Variants in DMD observed in about 807,000 individuals in gnomAD.
The protein encoded by DMD is dystrophin.
Under a neutral mutation model 330.1 loss-of-function variants are expected in DMD, and 63 were observed. The observed-to-expected ratio is 0.19, with a 90% CI of 0.16 to 0.24. The LOEUF (loss-of-function observed/expected upper bound fraction) is 0.24. Ranked by LOEUF, DMD falls within the 10% of genes least tolerant of loss-of-function variation. The pLI, the probability that DMD is intolerant of heterozygous loss-of-function variation, is 1.00. For missense variants in DMD, 3,344 were observed against 2,684.1 expected, an observed-to-expected ratio of 1.25 and a Z score of -5.43; for synonymous variants, 1,223 against 959.8, an observed-to-expected ratio of 1.27 and a Z score of -5.07.
intron 52 of DMD, among the ~76,000 whole-genome samples, chrX:31,680,669 C>T (rs1031995509): frequency 3.0e-4 from 33 of 110,899 alleles, no homozygotes; most frequent in African/African-American, 9.9e-4. Context: ...TGAGCCACCG[C>T]GCCTGGCCAA....
At position 32,387,153 on chromosome X, in the gene DMD, C is replaced by A. The variant is rs181474218; in HGVS notation, c.4519-688G>T. ...ACATGTACATCACAAATATAAAGCA[C>A]ACACATACGGTTTCACAAAACATAG... On this transcript the variant is annotated intron_variant, in intron 32 of 78. Transcript: ENST00000357033. 6.9e-3 allele frequency among the ~76,000 whole-genome samples: 762 copies of A among 110,602 alleles called. 4 individuals carry two copies. The highest frequency in any genetic ancestry group is 0.023 in the African/African-American group (717 of 30,602).
intron 52 of DMD, among the ~76,000 whole-genome samples, chrX:31,684,629 G>C (rs190515099): frequency 8.9e-6 from 1 of 111,964 alleles, no homozygotes; most frequent in East Asian, 2.8e-4. Context: ...GATTCTAAAA[G>C]AGAAAACCCA....
chrX:31,410,754 T>C (rs2061601273), intron 60 of DMD, among the ~76,000 whole-genome samples: 2 of 108,568 alleles, frequency 1.8e-5, no homozygotes, highest in African/African-American at 6.7e-5. Flanking sequence ...TTTATATATT[T>C]ATGAGATGGA....
intron 7 of DMD, among the ~76,000 whole-genome samples, chrX:32,709,222 T>G (rs1415151579): frequency 1.8e-5 from 2 of 111,329 alleles, no homozygotes; most frequent in Non-Finnish European, 3.8e-5. Context: ...AAAAATGCAA[T>G]TTAGAAATTT....
intron 11 of DMD, among the ~76,000 whole-genome samples, chrX:32,643,123 C>T (rs1183802158): frequency 2.7e-5 from 3 of 111,107 alleles, no homozygotes; most frequent in Non-Finnish European, 5.7e-5. Context: ...ATCATCACCA[C>T]GATCACAGCA....
chrX:31,179,152 A>T (rs2040880878), intron 69 of DMD, among the ~76,000 whole-genome samples: 1 of 112,698 alleles, frequency 8.9e-6, no homozygotes, highest in Admixed American at 9.4e-5. Context: ...AAATTTTACC[A>T]CACTTTATGG....
At chrX:33,233,886 A>G (rs759045383) in intron 1 of DMD, among the ~76,000 whole-genome samples, 2 of 112,819 alleles carry the variant, frequency 1.8e-5, no homozygotes, top group Admixed American at 1.9e-4. Flanking sequence ...TTTGCAAGAT[A>G]TTACAATTGG....
At chrX:31,610,105 T>A in intron 55 of DMD, among the ~76,000 whole-genome samples, 1 of 110,049 alleles carries the variant, frequency 9.1e-6, no homozygotes, top group East Asian at 2.9e-4. Flanking sequence ...CTCCTTTCTA[T>A]CCTCCCTCTC....
Position 33,279,583 on chromosome X carries a change from G to A in DMD, c.7+59676C>T, listed in dbSNP as rs113816047. 9.0e-3 allele frequency among the ~76,000 whole-genome samples: 990 copies of A among 110,545 alleles called. 16 individuals are homozygous for A. The highest frequency in any genetic ancestry group is 0.031 in the African/African-American group (930 of 30,402). ...CATTTTTTTAAGAATGATTAAGAGG[G>A]CAATTGCTGTGTCATATGCTAAGTC... On this transcript the variant is annotated intron_variant, in intron 1 of 17. Transcript: ENST00000288447.
intron 7 of DMD, among the ~76,000 whole-genome samples, chrX:32,801,487 T>A (rs2076561945): frequency 8.9e-6 from 1 of 112,093 alleles, no homozygotes; most frequent in Non-Finnish European, 1.9e-5. Flanking sequence ...ATGATAGTTT[T>A]CTTTTGCTGT....
At chrX:33,259,765 A>G (rs1269986668) in intron 1 of DMD, among the ~76,000 whole-genome samples, 1 of 109,809 alleles carries the variant, frequency 9.1e-6, no homozygotes, top group African/African-American at 3.3e-5. Flanking sequence ...TACTGTGATC[A>G]TAGTTTTGCC....
At chrX:31,901,568 C>T (rs780490627) in intron 47 of DMD, among the ~76,000 whole-genome samples, 6 of 111,520 alleles carry the variant, frequency 5.4e-5, no homozygotes, top group East Asian at 2.8e-4. Flanking sequence ...AGCTATACTA[C>T]GAGGCAAAGG....
In DMD at chrX:33,094,506, A is replaced by G. The variant is rs142037731; in HGVS notation, c.32-74306T>C. The stretch of plus-strand genomic sequence containing the variant: ...TGTGCTATATAAAATTACATAATAT[A>G]TTTAAGAAAGAGCAAGAAGGCCGGG... On this transcript the variant is annotated intron_variant, in intron 1 of 78. Transcript: ENST00000357033. Among the ~76,000 whole-genome samples the G allele has an allele frequency of 3.6e-5, 4 of 111,988 alleles. No homozygotes were observed. In the East Asian group the frequency reaches 1.1e-3, roughly 32 times the overall value.
chrX:32,346,130 T>A, intron 38 of DMD, 50 bp from the exon 39 acceptor site: 3 of 1,163,409 alleles, frequency 2.6e-6, no homozygotes, highest in Non-Finnish European at 3.5e-6. Context: ...TAAAAAGCTG[T>A]ACATTGTTAA....
chrX:32,090,626 C>T (rs543674833), intron 44 of DMD, among the ~76,000 whole-genome samples: 2 of 112,075 alleles, frequency 1.8e-5, no homozygotes, highest in South Asian at 7.4e-4. Context: ...GATCATCGCT[C>T]TCTAATTCTA....
At chrX:32,345,542 A>C (rs1039026283) in intron 39 of DMD, among the ~76,000 whole-genome samples, 1 of 111,681 alleles carries the variant, frequency 9.0e-6, no homozygotes, top group Non-Finnish European at 1.9e-5. Flanking sequence ...TTACCAAAAA[A>C]TTGGACCTAA....
chrX:32,574,139 A>G (rs2052750895), intron 13 of DMD, among the ~76,000 whole-genome samples: 1 of 111,780 alleles, frequency 8.9e-6, no homozygotes, highest in Non-Finnish European at 1.9e-5. Context: ...AAAGACATAC[A>G]TATAGAGAGG....
Position 32,343,294 on chromosome X carries a change from T to C in DMD, c.5587-8A>G, listed in dbSNP as rs1287724254. 8.4e-7 allele frequency: 1 copy of C among 1,196,795 alleles called. No homozygotes were observed. Among genetic ancestry groups the C allele is most frequent in the South Asian group, 1.8e-5 (1 of 56,491 alleles). Reference sequence around the variant, plus strand: ...TCTTTGAGACCTCAAATCCTGTTCATGGTGCAGACATTATTAAAATATCAA... The same window carrying C: ...TCTTTGAGACCTCAAATCCTGTTCACGGTGCAGACATTATTAAAATATCAA... On this transcript the variant is annotated splice_region_variant and splice_polypyrimidine_tract_variant and intron_variant, in intron 39 of 78. Coordinates refer to ENST00000357033, the MANE Select transcript of DMD (RefSeq NM_004006.3).
At chrX:31,865,461 T>A (rs1188049970) in intron 48 of DMD, among the ~76,000 whole-genome samples, 1 of 111,635 alleles carries the variant, frequency 9.0e-6, no homozygotes, top group Admixed American at 9.5e-5. Context: ...TTTTAAAAAA[T>A]TTTTTTTAAA....
Sources: allele counts gnomAD v4.1 joint callset (sites outside exome capture counted in the v4.1 genomes callset), GRCh38; gene constraint gnomAD v4.1.1; transcripts MANE v1.5; gene names NCBI Gene and HGNC (gene_info 2026-07-23, HGNC 2026-07-21).